SUGCT: variants seen among roughly 807,000 people sequenced by gnomAD.
SUGCT encodes succinyl-CoA:glutarate-CoA transferase.
SUGCT carries 41 observed loss-of-function variants against 55.0 expected under a neutral mutation model. The ratio of observed to expected loss-of-function variants is 0.74; its 90% CI spans 0.58 to 0.97. The LOEUF (loss-of-function observed/expected upper bound fraction) is 0.97, where lower values mean the gene tolerates loss of function less well. Ranked by LOEUF, SUGCT falls within the 50% of genes least tolerant of loss-of-function variation. The pLI is 0.00. For synonymous variants in SUGCT, 187 were observed against 200.4 expected (o/e 0.93, Z 0.56); for missense variants, 568 against 547.8 (o/e 1.04, Z -0.37).
At chr7:40,404,501 G>A (rs1273645294) in intron 9 of SUGCT, among the ~76,000 whole-genome samples, 3 of 151,474 alleles carry the variant, frequency 2.0e-5, no homozygotes, top group East Asian at 3.9e-4. Context: ...GCAGTGGCAC[G>A]ATCTCGGCTA....
intron 5 of SUGCT, among the ~76,000 whole-genome samples, chr7:40,192,970 T>TA (rs1248033583): frequency 9.1e-5 from 12 of 131,782 alleles, no homozygotes; most frequent in Non-Finnish European, 1.9e-4. Flanking sequence ...TGTAGTAGTG[T>TA]TTTTTTTTTT....
At chr7:40,602,963 G>A (rs1798362966) in intron 12 of SUGCT, among the ~76,000 whole-genome samples, 1 of 152,194 alleles carries the variant, frequency 6.6e-6, no homozygotes, top group Non-Finnish European at 1.5e-5. Context: ...CTGCAGTAGT[G>A]ATGGGATGTT....
At chr7:40,334,240 A>C (rs909671402) in intron 9 of SUGCT, among the ~76,000 whole-genome samples, 3 of 152,150 alleles carry the variant, frequency 2.0e-5, no homozygotes, top group African/African-American at 7.2e-5. Flanking sequence ...TAGCAGCATG[A>C]TTTATATTCC....
At chr7:40,629,186 C>T (rs1305564680) in intron 12 of SUGCT, among the ~76,000 whole-genome samples, 1 of 152,136 alleles carries the variant, frequency 6.6e-6, no homozygotes, top group African/African-American at 2.4e-5. Context: ...CAGCTACATA[C>T]AGCCGACACT....
intron 13 of SUGCT, among the ~76,000 whole-genome samples, chr7:40,814,199 A>G (rs1791557180): frequency 6.6e-6 from 1 of 151,972 alleles, no homozygotes; most frequent in Non-Finnish European, 1.5e-5. Flanking sequence ...TTTGTGTAGT[A>G]TCTGGCAGGT....
intron 12 of SUGCT, among the ~76,000 whole-genome samples, chr7:40,689,162 A>G (rs948361793): frequency 6.6e-6 from 1 of 152,196 alleles, no homozygotes; most frequent in African/African-American, 2.4e-5. Context: ...ACGTGTTCCA[A>G]TTCACATTGC....
At chr7:40,655,004 C>T (rs1321698249) in intron 12 of SUGCT, among the ~76,000 whole-genome samples, 1 of 152,146 alleles carries the variant, frequency 6.6e-6, no homozygotes, top group Non-Finnish European at 1.5e-5. Flanking sequence ...GATGCCTTAA[C>T]AAATATAATT....
At chr7:40,962,608 CACAT>C in the SUGCT span, among the ~76,000 whole-genome samples, 90 of 131,806 alleles carry the variant, frequency 6.8e-4, 1 homozygote, top group South Asian at 0.02. Flanking sequence ...CACACACACA[CACAT>C]CAGAAAAATG....
At chr7:40,265,007 A>T (rs1023924120) in intron 7 of SUGCT, among the ~76,000 whole-genome samples, 1 of 152,196 alleles carries the variant, frequency 6.6e-6, no homozygotes, top group East Asian at 1.9e-4. Flanking sequence ...ATCATTACCC[A>T]TATTTGACAA....
At chr7:40,255,579 T>C (rs907398096) in intron 7 of SUGCT, among the ~76,000 whole-genome samples, 14 of 142,886 alleles carry the variant, frequency 9.8e-5, no homozygotes, top group Non-Finnish European at 1.9e-4. Flanking sequence ...TAGAATTGCT[T>C]GAACCCGGGA....
intron 9 of SUGCT, among the ~76,000 whole-genome samples, chr7:40,334,690 C>T (rs1289586362): frequency 6.6e-6 from 1 of 152,140 alleles, no homozygotes; most frequent in African/African-American, 2.4e-5. Context: ...AATTTTCTCC[C>T]ATTCTGTAGG....
the SUGCT span, among the ~76,000 whole-genome samples, chr7:40,906,705 C>A: frequency 2.0e-5 from 3 of 152,060 alleles, no homozygotes; most frequent in Non-Finnish European, 4.4e-5. Flanking sequence ...ATAAAGGACT[C>A]GAACATCCTT....
At chr7:40,264,539 G>A (rs1791431979) in intron 7 of SUGCT, among the ~76,000 whole-genome samples, 1 of 152,170 alleles carries the variant, frequency 6.6e-6, no homozygotes, top group Non-Finnish European at 1.5e-5. Context: ...CTCATGTTCT[G>A]TGTGCACGGA....
At chr7:40,345,783 A>G (rs914446814) in intron 9 of SUGCT, among the ~76,000 whole-genome samples, 2 of 152,074 alleles carry the variant, frequency 1.3e-5, no homozygotes, top group African/African-American at 4.8e-5. Flanking sequence ...TAGGTTTTCT[A>G]ATATTACATT....
Position 40,810,829 on chromosome 7 carries a change from T to C in SUGCT, c.1154-49487T>C, listed in dbSNP as rs1222993959. Among the ~76,000 whole-genome samples, 6 of 152,338 alleles carry C rather than the reference T, an allele frequency of 3.9e-5. No homozygotes were observed. The Middle Eastern group carries it at 0.01, about 259-fold the overall frequency. On this transcript the variant is annotated intron_variant, in intron 13 of 13. Coordinates refer to ENST00000335693, the MANE Select transcript of SUGCT (RefSeq NM_001193313.2). ...TGCTTTTGAGGACTTAATTATAAAT[T>C]ATTTCCCAAATGCAATGTCTAGAAT... is the stretch of plus-strand genomic sequence containing the variant.
the SUGCT span, among the ~76,000 whole-genome samples, chr7:40,968,907 G>A: frequency 6.6e-6 from 1 of 152,132 alleles, no homozygotes; most frequent in Non-Finnish European, 1.5e-5. Context: ...AGCACCTGTG[G>A]TGTGAGCATC....
chr7:40,654,233 T>C (rs774966186), intron 12 of SUGCT, among the ~76,000 whole-genome samples: 1 of 152,098 alleles, frequency 6.6e-6, no homozygotes, highest in Non-Finnish European at 1.5e-5. Context: ...TGTTGTCACT[T>C]ATGAGAATGA....
chr7:40,370,200 G>A (rs577078446), intron 9 of SUGCT, among the ~76,000 whole-genome samples: 129 of 152,190 alleles, frequency 8.5e-4, no homozygotes, highest in African/African-American at 3.1e-3. Context: ...TCACATCTGC[G>A]TCCCTTTCCT....
the SUGCT span, among the ~76,000 whole-genome samples, chr7:41,028,642 G>A: frequency 6.6e-6 from 1 of 152,132 alleles, no homozygotes; most frequent in African/African-American, 2.4e-5. Context: ...AAGCATTTTT[G>A]TATATAAACA....
Sources: gnomAD v4.1 joint callset for allele counts (sites outside exome capture counted in the v4.1 genomes callset) on GRCh38, gnomAD v4.1.1 for gene constraint, MANE v1.5 for transcripts, NCBI Gene and HGNC (gene_info 2026-07-23, HGNC 2026-07-21) for gene names.